ST6GALNAC3: variants seen among roughly 807,000 people sequenced by gnomAD.
ST6GALNAC3 encodes the protein alpha-N-acetylgalactosaminide alpha-2,6-sialyltransferase 3.
In ST6GALNAC3, 25 loss-of-function variants were observed where a neutral mutation model predicts 32.7. The ratio of observed to expected loss-of-function variants is 0.76; its 90% confidence interval spans 0.56 to 1.07. The LOEUF (loss-of-function observed/expected upper bound fraction) is 1.07. ST6GALNAC3 is among the 50% of genes least tolerant of loss of function. The pLI is 0.00. For missense variants in ST6GALNAC3, 355 were observed against 382.4 expected (o/e 0.93, Z 0.60); for synonymous variants, 129 against 133.1 (o/e 0.97, Z 0.21).
chr1:76,123,903 T>C (rs1649061331), intron 1 of ST6GALNAC3, among the ~76,000 whole-genome samples: 1 of 151,728 alleles, frequency 6.6e-6, no homozygotes, highest in Non-Finnish European at 1.5e-5. Context: ...GCACATACCA[T>C]GACGCCTGGC....
At chr1:76,142,917 C>T (rs1356976184) in intron 1 of ST6GALNAC3, 1 of 450,860 alleles carries the variant, frequency 2.2e-6, no homozygotes, top group East Asian at 7.1e-5. Context: ...GATCTGGGCA[C>T]ACCGTATCTT....
intron 1 of ST6GALNAC3, among the ~76,000 whole-genome samples, chr1:76,159,526 T>A (rs1651682105): frequency 6.6e-6 from 1 of 152,214 alleles, no homozygotes; most frequent in Non-Finnish European, 1.5e-5. Flanking sequence ...GAGCTCTGCA[T>A]GGTGCCTGGG....
At chr1:76,287,909 G>A (rs762097366) in intron 1 of ST6GALNAC3, among the ~76,000 whole-genome samples, 15 of 152,354 alleles carry the variant, frequency 9.8e-5, no homozygotes, top group Middle Eastern at 3.4e-3. Flanking sequence ...AAGAAATGGA[G>A]GCACAAAGTT....
intron 2 of ST6GALNAC3, among the ~76,000 whole-genome samples, chr1:76,355,716 G>C (rs974589860): frequency 6.6e-6 from 1 of 152,188 alleles, no homozygotes; most frequent in African/African-American, 2.4e-5. Context: ...TCAGAGTGCT[G>C]TATCATTCAT....
intron 1 of ST6GALNAC3, among the ~76,000 whole-genome samples, chr1:76,306,729 A>G (rs1661084069): frequency 6.6e-6 from 1 of 151,722 alleles, no homozygotes; most frequent in Non-Finnish European, 1.5e-5. Context: ...TAACATGAGC[A>G]TTATGACTGT....
At chr1:76,301,687 C>T (rs1259460721) in intron 1 of ST6GALNAC3, among the ~76,000 whole-genome samples, 1 of 151,942 alleles carries the variant, frequency 6.6e-6, no homozygotes. Context: ...GCATGTTTCA[C>T]TCTACCGAGG....
intron 1 of ST6GALNAC3, among the ~76,000 whole-genome samples, chr1:76,243,946 A>G (rs565298124): frequency 1.3e-5 from 2 of 152,276 alleles, no homozygotes; most frequent in East Asian, 3.9e-4. Flanking sequence ...TTTTTGTTCC[A>G]TATGAAATTT....
In ST6GALNAC3 at chr1:76,631,116, C is replaced by T; in HGVS notation, c.*2310C>T. The T allele has an allele frequency of 1.3e-6, 1 of 778,372 alleles. No individual in the cohort carries two copies. The highest frequency in any genetic ancestry group is 1.6e-6 in the Non-Finnish European group (1 of 641,286). The allele number at this position is 778,372 out of a possible 1,614,324, so 48.2% of individuals were successfully genotyped here. On this transcript the variant is annotated 3_prime_UTR_variant, in exon 5 of 5. Transcript: ENST00000328299. Reference sequence around the variant, plus strand: ...CTTCTGCAGTATATTGTATCCCTCACTCTATAGCAGAAGGTGTGTGTGGAA... The same window carrying T: ...CTTCTGCAGTATATTGTATCCCTCATTCTATAGCAGAAGGTGTGTGTGGAA...
chr1:76,179,417 TCCC>T (rs1653042013), intron 1 of ST6GALNAC3, among the ~76,000 whole-genome samples: 1 of 152,128 alleles, frequency 6.6e-6, no homozygotes, highest in Non-Finnish European at 1.5e-5. Flanking sequence ...GCCATCTCTT[TCCC>T]CCACCTCCAT....
chr1:76,387,021 T>C (rs1314990004), intron 2 of ST6GALNAC3, among the ~76,000 whole-genome samples: 1 of 152,160 alleles, frequency 6.6e-6, no homozygotes, highest in Non-Finnish European at 1.5e-5. Context: ...CTTCTTGCTT[T>C]ATAGTGGGCT....
chr1:76,253,545 G>C (rs1204024352), intron 1 of ST6GALNAC3, among the ~76,000 whole-genome samples: 1 of 152,070 alleles, frequency 6.6e-6, no homozygotes, highest in African/African-American at 2.4e-5. Context: ...GACTTCTTAG[G>C]GTATTCCATG....
intron 1 of ST6GALNAC3, among the ~76,000 whole-genome samples, chr1:76,292,810 G>A (rs1328456290): frequency 1.3e-5 from 2 of 152,020 alleles, no homozygotes; most frequent in East Asian, 1.9e-4. Flanking sequence ...TTATGCACAG[G>A]ACACACTAAA....
intron 1 of ST6GALNAC3, among the ~76,000 whole-genome samples, chr1:76,187,926 A>G (rs1470172725): frequency 6.6e-6 from 1 of 152,094 alleles, no homozygotes; most frequent in Non-Finnish European, 1.5e-5. Context: ...AGACCTAGAC[A>G]TTTGGATTTT....
In ST6GALNAC3 at chr1:76,313,840, G is replaced by A. The variant is rs1263110248; in HGVS notation, c.54G>A (p.Ala18=). The change falls in exon 2 of 5, where the codon GCG becomes GCA. Residue 18 remains alanine, a synonymous_variant. Coordinates refer to ENST00000328299, the MANE Select transcript of ST6GALNAC3 (RefSeq NM_152996.4). ...KSVIAVSFIA[A]FLFLLVVRLV... Reference sequence around the variant, plus strand: ...TGATTGCTGTGAGCTTCATAGCAGCGTTCCTTTTCCTGCTGGTTGTGCGTC... The same window carrying A: ...TGATTGCTGTGAGCTTCATAGCAGCATTCCTTTTCCTGCTGGTTGTGCGTC... 6.2e-6 allele frequency: 10 copies of A among 1,613,340 alleles called. No individual in the cohort carries two copies. Among genetic ancestry groups the A allele is most frequent in the South Asian group, 2.2e-5 (2 of 91,060 alleles).
intron 3 of ST6GALNAC3, among the ~76,000 whole-genome samples, chr1:76,441,337 G>C (rs551105689): frequency 6.6e-6 from 1 of 151,930 alleles, no homozygotes. Flanking sequence ...CTATGAGGCA[G>C]GTATAATTAT....
downstream of ST6GALNAC3, chr1:76,637,148 G>A (rs1649523625): frequency 6.6e-6 from 1 of 152,046 alleles, no homozygotes; most frequent in South Asian, 2.1e-4. Flanking sequence ...CTCTATATTT[G>A]ATAACACTTT....
At chr1:76,110,323 G>A (rs751903284) in intron 1 of ST6GALNAC3, among the ~76,000 whole-genome samples, 13 of 152,226 alleles carry the variant, frequency 8.5e-5, no homozygotes, top group Non-Finnish European at 1.9e-4. Context: ...GAGTGTTATC[G>A]TTTACTGTGA....
At chr1:76,596,146 C>A (rs948548762) in intron 3 of ST6GALNAC3, among the ~76,000 whole-genome samples, 2 of 152,150 alleles carry the variant, frequency 1.3e-5, no homozygotes, top group African/African-American at 4.8e-5. Context: ...TGTGTATTAA[C>A]ATGAAGCCTG....
chr1:76,270,433 G>C (rs1004922846), intron 1 of ST6GALNAC3, among the ~76,000 whole-genome samples: 1 of 151,184 alleles, frequency 6.6e-6, no homozygotes, highest in Admixed American at 6.6e-5. Flanking sequence ...CTTGAACCTG[G>C]GAGGCGGAGG....
Sources: gnomAD v4.1 joint callset for allele counts (sites outside exome capture counted in the v4.1 genomes callset) on GRCh38, gnomAD v4.1.1 for gene constraint, MANE v1.5 for transcripts, NCBI Gene and HGNC (gene_info 2026-07-23, HGNC 2026-07-21) for gene names.